Variants in MCTP2 observed in about 807,000 individuals in gnomAD.
The protein encoded by MCTP2 is multiple C2 and transmembrane domain containing 2.
MCTP2 carries 132 observed loss-of-function variants against 111.6 expected under a neutral mutation model. The observed-to-expected ratio is 1.18, with a 90% CI of 1.03 to 1.37. The LOEUF (loss-of-function observed/expected upper bound fraction) is 1.37. MCTP2 is among the 40% of genes most tolerant of loss of function. MCTP2 has a pLI of 0.00. For synonymous variants in MCTP2, 395 were observed against 387.7 expected, an observed-to-expected ratio of 1.02 and a Z score of -0.22; for missense variants, 1,183 against 1,067.9, an observed-to-expected ratio of 1.11 and a Z score of -1.50.
intron 19 of MCTP2, among the ~76,000 whole-genome samples, chr15:94,449,183 TAATA>T (rs1295381379): frequency 6.6e-6 from 1 of 152,196 alleles, no homozygotes; most frequent in African/African-American, 2.4e-5. Context: ...TAAACAAGAA[TAATA>T]AATTAAAACA....
chr15:94,417,603 C>T (rs756260596), intron 17 of MCTP2, among the ~76,000 whole-genome samples: 1 of 152,078 alleles, frequency 6.6e-6, no homozygotes, highest in Non-Finnish European at 1.5e-5. Context: ...TTCTTGGACT[C>T]CTCTTGATCA....
rs1209625514 is a variant in MCTP2 at position 94,243,074 on chromosome 15, T to G, written c.-66+11410T>G. Among the ~76,000 whole-genome samples the G allele has an allele frequency of 4.4e-5, 4 of 91,374 alleles. 1 individual carries two copies. Among genetic ancestry groups the G allele is most frequent in the African/African-American group, 1.7e-4 (4 of 23,622 alleles). The allele number at this position is 91,374 out of a possible 152,430, so 59.9% of individuals were successfully genotyped here. A position where few individuals can be genotyped will look rare whatever the true frequency, so the allele number is the denominator to read the frequency against. Reference sequence around the variant, plus strand: ...GTATCTACACATACACGTGTATATGTGTATCTACACATATACGTGTATATG... The same window carrying G: ...GTATCTACACATACACGTGTATATGGGTATCTACACATATACGTGTATATG... On this transcript the variant is annotated intron_variant, in intron 1 of 22. Coordinates refer to ENST00000357742, the MANE Select transcript of MCTP2 (RefSeq NM_001385001.1).
intron 22 of MCTP2, among the ~76,000 whole-genome samples, chr15:94,477,423 G>T (rs1567801991): frequency 6.6e-6 from 1 of 152,120 alleles, no homozygotes; most frequent in Non-Finnish European, 1.5e-5. Flanking sequence ...ATTAACGAAG[G>T]CAACAATACT....
intron 4 of MCTP2, among the ~76,000 whole-genome samples, chr15:94,327,675 T>C (rs888896562): frequency 6.6e-6 from 1 of 152,226 alleles, no homozygotes; most frequent in Admixed American, 6.5e-5. Context: ...CCTTCACTCT[T>C]TGAGTTTTGG....
At chr15:94,245,445 T>G (rs370808654) in intron 1 of MCTP2, among the ~76,000 whole-genome samples, 1 of 138,318 alleles carries the variant, frequency 7.2e-6, no homozygotes, top group Non-Finnish European at 1.5e-5. Flanking sequence ...TATATACACA[T>G]ATATGTATAT....
intron 1 of MCTP2, 83 bp downstream of exon 1, chr15:94,231,747 A>G (rs1344439805): frequency 6.5e-6 from 1 of 152,878 alleles, no homozygotes; most frequent in African/African-American, 2.4e-5. Flanking sequence ...TCTTCTCTCA[A>G]CCGAAGCTGG....
intron 11 of MCTP2, among the ~76,000 whole-genome samples, chr15:94,368,626 G>T (rs2079324350): frequency 6.6e-6 from 1 of 152,186 alleles, no homozygotes; most frequent in African/African-American, 2.4e-5. Context: ...GGGAGTACAA[G>T]ACCTAGCCAC....
At chr15:94,276,030 G>A (rs1208003878) in intron 1 of MCTP2, among the ~76,000 whole-genome samples, 1 of 151,914 alleles carries the variant, frequency 6.6e-6, no homozygotes, top group Non-Finnish European at 1.5e-5. Context: ...ATTTTTAGTA[G>A]AGATGGGATT....
intron 1 of MCTP2, among the ~76,000 whole-genome samples, chr15:94,295,899 G>A (rs2075252421): frequency 7.0e-6 from 1 of 143,792 alleles, no homozygotes; most frequent in Admixed American, 7.2e-5. Flanking sequence ...TGGGCAACTG[G>A]AGTGAGACCC....
At chr15:94,362,040 A>G (rs1339857434) in intron 10 of MCTP2, among the ~76,000 whole-genome samples, 2 of 152,154 alleles carry the variant, frequency 1.3e-5, no homozygotes, top group Non-Finnish European at 1.5e-5. Context: ...CTGAGCCACA[A>G]GTAACTCCTA....
intron 18 of MCTP2, among the ~76,000 whole-genome samples, chr15:94,441,065 A>G (rs947629310): frequency 2.0e-5 from 3 of 152,158 alleles, no homozygotes; most frequent in Non-Finnish European, 2.9e-5. Context: ...ACAAAAATCT[A>G]AAGTCCTAAG....
chr15:94,266,910 C>T (rs751582493), intron 1 of MCTP2, among the ~76,000 whole-genome samples: 17 of 152,168 alleles, frequency 1.1e-4, no homozygotes, highest in Non-Finnish European at 1.8e-4. Context: ...ACTTGGAAGA[C>T]ATTTAAGAGT....
At chr15:94,452,218 A>G (rs1212291319) in intron 19 of MCTP2, among the ~76,000 whole-genome samples, 3 of 152,212 alleles carry the variant, frequency 2.0e-5, no homozygotes, top group African/African-American at 7.2e-5. Flanking sequence ...TGATATGTCC[A>G]TTGGTATATT....
chr15:94,382,180 G>A (rs2080175486), intron 12 of MCTP2, among the ~76,000 whole-genome samples: 1 of 152,228 alleles, frequency 6.6e-6, no homozygotes, highest in South Asian at 2.1e-4. Flanking sequence ...GCAATATTCT[G>A]GGGAAGCAGA....
intron 17 of MCTP2, 47 bp downstream of exon 17, chr15:94,402,066 C>G (rs748421539): frequency 1.1e-5 from 18 of 1,595,620 alleles, no homozygotes; most frequent in Non-Finnish European, 1.5e-5. Context: ...TTATTTGCAT[C>G]TATTCATCTT....
At chr15:94,473,973 TG>T (rs2074134585) in intron 21 of MCTP2, among the ~76,000 whole-genome samples, 2 of 151,966 alleles carry the variant, frequency 1.3e-5, no homozygotes, top group Admixed American at 1.3e-4. Flanking sequence ...TTTTTTAAAC[TG>T]TAGGGCTCAT....
chr15:94,293,478 G>T (rs1045918668), intron 1 of MCTP2, among the ~76,000 whole-genome samples: 19 of 152,162 alleles, frequency 1.2e-4, no homozygotes, highest in Non-Finnish European at 2.5e-4. Context: ...TTAGGAAAAT[G>T]AAAATTAAAA....
chr15:94,335,698 C>T (rs1348244462), intron 4 of MCTP2, among the ~76,000 whole-genome samples: 1 of 152,098 alleles, frequency 6.6e-6, no homozygotes, highest in Non-Finnish European at 1.5e-5. Flanking sequence ...ATATTAATAT[C>T]CATTATTTAG....
At chr15:94,251,207 A>G (rs948470734) in intron 1 of MCTP2, among the ~76,000 whole-genome samples, 1 of 152,218 alleles carries the variant, frequency 6.6e-6, no homozygotes, top group African/African-American at 2.4e-5. Context: ...ACCCTGACAA[A>G]TAAATATATC....
Sources: gnomAD v4.1 joint callset for allele counts (sites outside exome capture counted in the v4.1 genomes callset) on GRCh38, gnomAD v4.1.1 for gene constraint, MANE v1.5 for transcripts, NCBI Gene and HGNC (gene_info 2026-07-23, HGNC 2026-07-21) for gene names.